TIAM1: variants seen among roughly 807,000 people sequenced by gnomAD.
The protein encoded by TIAM1 is rho guanine nucleotide exchange factor TIAM1.
In TIAM1, 65 loss-of-function variants were observed where a neutral mutation model predicts 163.5. The observed-to-expected ratio is 0.40, with a 90% confidence interval of 0.33 to 0.49. The LOEUF is 0.49. Among genes scored for constraint, TIAM1 ranks in the 20% least tolerant of loss-of-function variants. The pLI, the probability that TIAM1 is intolerant of heterozygous loss-of-function variation, is 0.77. For missense variants in TIAM1, 1,789 were observed against 2,044.7 expected (o/e 0.87, Z 2.41); for synonymous variants, 833 against 810.1 (o/e 1.03, Z -0.48).
At chr21:31,537,114 C>T (rs936170647) in intron 1 of TIAM1, among the ~76,000 whole-genome samples, 2 of 152,160 alleles carry the variant, frequency 1.3e-5, no homozygotes, top group Non-Finnish European at 2.9e-5. Context: ...TCTCTGTGTG[C>T]CCACACCTCT....
chr21:31,157,620 A>G (rs545501289), intron 16 of TIAM1, among the ~76,000 whole-genome samples: 1 of 152,046 alleles, frequency 6.6e-6, no homozygotes, highest in Non-Finnish European at 1.5e-5. Context: ...CACAGGGTGC[A>G]CACACATACA....
intron 2 of TIAM1, among the ~76,000 whole-genome samples, chr21:31,417,740 C>G (rs528156139): frequency 6.6e-6 from 1 of 152,258 alleles, no homozygotes; most frequent in Admixed American, 6.5e-5. Flanking sequence ...CCTGTGCAGT[C>G]AGGGACATGG....
chr21:31,169,632 A>G (rs1485562957), intron 15 of TIAM1, among the ~76,000 whole-genome samples: 2 of 152,210 alleles, frequency 1.3e-5, no homozygotes, highest in Non-Finnish European at 2.9e-5. Flanking sequence ...AAAGTTCGCT[A>G]AAGGATGTAC....
chr21:31,270,094 C>G (rs1489184657), intron 3 of TIAM1, among the ~76,000 whole-genome samples: 1 of 152,150 alleles, frequency 6.6e-6, no homozygotes, highest in Non-Finnish European at 1.5e-5. Flanking sequence ...CAAACAAAAC[C>G]TGATTTGCAT....
chr21:31,239,502 C>T (rs11910976), intron 6 of TIAM1, among the ~76,000 whole-genome samples: 14,348 of 152,040 alleles, frequency 0.094, 2,185 homozygotes, highest in African/African-American at 0.32. Flanking sequence ...AAAAATAAGA[C>T]ACTCAAAGCA....
chr21:31,470,533 A>G (rs2045702926), intron 1 of TIAM1, among the ~76,000 whole-genome samples: 1 of 150,844 alleles, frequency 6.6e-6, no homozygotes, highest in African/African-American at 2.4e-5. Flanking sequence ...GGGTTTCACC[A>G]TGTTGGTCAG....
At chr21:31,345,494 A>G (rs2076131974), upstream of TIAM1, among the ~76,000 whole-genome samples, 1 of 151,048 alleles carries the variant, frequency 6.6e-6, no homozygotes, top group Admixed American at 6.6e-5. Flanking sequence ...ATTCACACAT[A>G]TATATATTCA....
At position 31,225,731 on chromosome 21, in the gene TIAM1, C is replaced by T. The variant is rs746968016; in HGVS notation, c.1804G>A (p.Asp602Asn). 1 of 1,609,640 alleles carries T rather than the reference C, an allele frequency of 6.2e-7. No individual in the cohort carries two copies. Among genetic ancestry groups the T allele is most frequent in the South Asian group, 1.1e-5 (1 of 91,024 alleles). ...AAACACGGAAGAACGATTACCTGAT[C>T]TAATATTGTTTTCTTTTTCTTTGAG... ...TDSKKKKTIL[D>N]QIFVWEQNLE... The change falls in exon 7 of 28, where the codon GAT becomes AAT. Residue 602 changes from aspartate to asparagine, a missense_variant. This residue lies in a region of TIAM1 where 456 missense variants were observed against 586.6 expected (regional missense o/e 0.78). Transcript: ENST00000541036.
chr21:31,468,840 CCT>C (rs1427445079), intron 1 of TIAM1, among the ~76,000 whole-genome samples: 2 of 151,858 alleles, frequency 1.3e-5, no homozygotes, highest in African/African-American at 4.8e-5. Context: ...GATGACTTTT[CCT>C]CTTTTTCCTC....
Position 31,340,950 on chromosome 21 carries a change from T to C in TIAM1, c.-368-1528A>G, listed in dbSNP as rs565740914. On this transcript the variant is annotated intron_variant, in intron 1 of 27. Coordinates refer to ENST00000541036, the MANE Select transcript of TIAM1 (RefSeq NM_001353694.2). ...AAGATAATCAACTAGGAAAACAAGA[T>C]AAAAATACTGAAAATATGGAACTTG... Among the ~76,000 whole-genome samples, 3 of 151,648 alleles carry C rather than the reference T, an allele frequency of 2.0e-5. No homozygotes were observed. In the East Asian group the frequency reaches 5.8e-4, roughly 29 times the overall value.
chr21:31,274,230 T>C (rs1235077830), intron 3 of TIAM1, among the ~76,000 whole-genome samples: 2 of 151,340 alleles, frequency 1.3e-5, no homozygotes, highest in Non-Finnish European at 2.9e-5. Flanking sequence ...AAAAAGTACA[T>C]GAGTAAACAA....
At chr21:31,368,792 C>T (rs373928109) in intron 2 of TIAM1, among the ~76,000 whole-genome samples, 3 of 152,206 alleles carry the variant, frequency 2.0e-5, no homozygotes, top group South Asian at 2.1e-4. Flanking sequence ...AAAATACAAG[C>T]GTCTAGACTC....
At chr21:31,130,112 AG>A (rs367721390) in intron 25 of TIAM1, 100 bp downstream of exon 25, 2 of 911,684 alleles carry the variant, frequency 2.2e-6, no homozygotes, top group Non-Finnish European at 1.6e-6. Context: ...AAAAAAAAAA[AG>A]ACGGTAGAAG....
In TIAM1 at chr21:31,251,849, C is replaced by A; in HGVS notation, c.1304G>T (p.Arg435Leu). 6.2e-7 allele frequency: 1 copy of A among 1,613,814 alleles called. No individual in the cohort carries two copies. The highest frequency in any genetic ancestry group is 8.5e-7 in the Non-Finnish European group (1 of 1,179,866). Reference protein sequence around the residue: ...ILLTAAQGTVRKAGALAVKNF... With the variant: ...ILLTAAQGTVLKAGALAVKNF... ...CTTGACGGCCAGGGCGCCGGCCTTG[C>A]GCACCGTGCCCTGTGCGGCGGTCAG... Residue 435 changes from arginine (R) to leucine (L), a missense_variant, in exon 5 of 28, where the codon CGC (arginine) becomes CTC (leucine). This residue lies in a region of TIAM1 where 456 missense variants were observed against 586.6 expected (regional missense o/e 0.78). Transcript: ENST00000541036.
intron 2 of TIAM1, among the ~76,000 whole-genome samples, chr21:31,442,382 G>T (rs186259024): frequency 1.3e-5 from 2 of 151,644 alleles, no homozygotes; most frequent in East Asian, 3.9e-4. Flanking sequence ...ACAGGTGCAC[G>T]CCACCATGCC....
chr21:31,359,577 A>G (rs1014021186), intron 2 of TIAM1, among the ~76,000 whole-genome samples: 4 of 151,988 alleles, frequency 2.6e-5, no homozygotes, highest in African/African-American at 9.7e-5. Flanking sequence ...GGAGGATCAC[A>G]AAGTCAAGAG....
rs968459855 is a variant in TIAM1 at position 31,395,446 on chromosome 21, C to A, written c.-368-56024G>T. Among the ~76,000 whole-genome samples, 1 of 152,102 alleles carries A rather than the reference C, an allele frequency of 6.6e-6. No individual in the cohort carries two copies. The highest frequency in any genetic ancestry group is 2.4e-5 in the African/African-American group (1 of 41,410). The stretch of plus-strand genomic sequence containing the variant: ...AAGGATGGCTTTCACACCAGAGCAG[C>A]AGGGAAAATTGGACAAGAGGGGCCC... On this transcript the variant is annotated intron_variant, in intron 2 of 28. Transcript: ENST00000286827. This position sits in a 1 kb window ranked among gnomAD's most constrained non-coding sequence, Gnocchi z 7.5.
intron 16 of TIAM1, among the ~76,000 whole-genome samples, chr21:31,156,951 T>C (rs1190097900): frequency 1.3e-5 from 2 of 152,226 alleles, no homozygotes; most frequent in African/African-American, 4.8e-5. Flanking sequence ...ACAGAATTAA[T>C]AGGAAAGCTA....
At chr21:31,326,184 T>TTTGG (rs1234598977) in intron 2 of TIAM1, among the ~76,000 whole-genome samples, 3 of 150,612 alleles carry the variant, frequency 2.0e-5, no homozygotes, top group Non-Finnish European at 4.4e-5. Flanking sequence ...CCTGATTTTG[T>TTTGG]TTGGTTTTGT....
Sources: gnomAD v4.1 joint callset for allele counts (sites outside exome capture counted in the v4.1 genomes callset) on GRCh38, gnomAD v4.1.1 for gene constraint, gnomAD v4.1.1 regional missense constraint, Gnocchi (gnomAD v3.1) non-coding constraint, MANE v1.5 for transcripts, NCBI Gene and HGNC (gene_info 2026-07-23, HGNC 2026-07-21) for gene names.